The following IL1RAPL1 variants were observed in gnomAD, a reference collection of about 807,000 sequenced individuals.
The protein encoded by IL1RAPL1 is interleukin-1 receptor accessory protein-like 1.
IL1RAPL1 carries 3 observed loss-of-function variants against 48.4 expected under a neutral mutation model. The observed-to-expected ratio is 0.06, with a 90% CI of 0.03 to 0.16. The LOEUF is 0.16. IL1RAPL1 is among the 10% of genes least tolerant of loss of function. The probability of loss-of-function intolerance (pLI) is 1.00; values close to 1 mark genes in which losing one functional copy is unlikely to be tolerated. For synonymous variants in IL1RAPL1, 185 were observed against 187.7 expected, an observed-to-expected ratio of 0.99 and a Z score of 0.12; for missense variants, 349 against 530.6, an observed-to-expected ratio of 0.66 and a Z score of 3.36.
chrX:29,188,226 T>C (rs1361584491), intron 2 of IL1RAPL1, among the ~76,000 whole-genome samples: 1 of 111,901 alleles, frequency 8.9e-6, no homozygotes, highest in Non-Finnish European at 1.9e-5. Context: ...TGTCTCTTCC[T>C]TTGTGACTCT....
chrX:29,148,756 T>C (rs988164498), intron 2 of IL1RAPL1, among the ~76,000 whole-genome samples: 2 of 111,792 alleles, frequency 1.8e-5, no homozygotes, highest in Non-Finnish European at 3.8e-5. Context: ...GGTTGCACAA[T>C]GGATAACTGA....
intron 1 of IL1RAPL1, among the ~76,000 whole-genome samples, chrX:28,729,070 A>T (rs1230965227): frequency 8.9e-6 from 1 of 112,297 alleles, no homozygotes; most frequent in Non-Finnish European, 1.9e-5. Flanking sequence ...TTTGCATGCT[A>T]CTATGACTAT....
At chrX:29,552,802 C>CTTTTTTTTTTTTTTTTTTTTTTTTTT (rs765234944) in intron 5 of IL1RAPL1, among the ~76,000 whole-genome samples, 1 of 22,986 alleles carries the variant, frequency 4.4e-5, no homozygotes, top group African/African-American at 1.8e-4. Flanking sequence ...TTTCACTCTC[C>CTTTTTTTTTTTTTTTTTTTTTTTTTT]TTTTTTTTTT....
At chrX:29,155,445 C>T (rs1929550783) in intron 2 of IL1RAPL1, among the ~76,000 whole-genome samples, 1 of 111,989 alleles carries the variant, frequency 8.9e-6, no homozygotes, top group Non-Finnish European at 1.9e-5. Context: ...TTAAATAAGT[C>T]TATTCTTCTA....
chrX:29,553,535 C>A (rs1041738728), intron 5 of IL1RAPL1, among the ~76,000 whole-genome samples: 1 of 111,676 alleles, frequency 9.0e-6, no homozygotes, highest in African/African-American at 3.3e-5. Flanking sequence ...GAAACACACT[C>A]ATAAACGTTT....
intron 2 of IL1RAPL1, among the ~76,000 whole-genome samples, chrX:28,958,394 T>G (rs1924674339): frequency 8.9e-6 from 1 of 111,735 alleles, no homozygotes; most frequent in Non-Finnish European, 1.9e-5. Flanking sequence ...TGAGGGTCTT[T>G]TCATTTCCTA....
chrX:28,717,426 T>C (rs953181744), intron 1 of IL1RAPL1, among the ~76,000 whole-genome samples: 7 of 111,499 alleles, frequency 6.3e-5, no homozygotes, highest in Admixed American at 1.9e-4. Context: ...ATATTTTCTT[T>C]TAGTTGGGAG....
At chrX:29,925,448 TG>T (rs147953597) in intron 8 of IL1RAPL1, among the ~76,000 whole-genome samples, 3 of 44,655 alleles carry the variant, frequency 6.7e-5, no homozygotes, top group Non-Finnish European at 1.1e-4. Context: ...TTTTTTTTGC[TG>T]GGGGGGGCTT....
intron 1 of IL1RAPL1, among the ~76,000 whole-genome samples, chrX:28,625,164 C>A (rs1934325837): frequency 8.9e-6 from 1 of 111,867 alleles, no homozygotes; most frequent in Non-Finnish European, 1.9e-5. Flanking sequence ...TAAGTGACTT[C>A]TGGTAGATCA....
intron 5 of IL1RAPL1, among the ~76,000 whole-genome samples, chrX:29,482,003 C>T (rs761096227): frequency 5.4e-5 from 6 of 111,087 alleles, no homozygotes; most frequent in Non-Finnish European, 1.1e-4. Flanking sequence ...AAAAAACAAC[C>T]GAGAATTTGT....
chrX:29,918,505 CAA>C (rs1186602092), intron 7 of IL1RAPL1, among the ~76,000 whole-genome samples: 32 of 38,074 alleles, frequency 8.4e-4, no homozygotes, highest in Admixed American at 1.7e-3. Flanking sequence ...AACTCTGTCT[CAA>C]AAAAAAAAAA....
Position 29,915,029 on chromosome X carries a change from C to G in IL1RAPL1, c.779-2435C>G, listed in dbSNP as rs1400273340. ...TAAAAAATCCGGCTGGACGTGGTGGCTCACGCCTGTAATCCTAGCACTTTG... is the reference window on the plus strand; with the variant it reads ...TAAAAAATCCGGCTGGACGTGGTGGGTCACGCCTGTAATCCTAGCACTTTG... On this transcript the variant is annotated intron_variant, in intron 6 of 10. Transcript: ENST00000378993. Among the ~76,000 whole-genome samples, 4 of 108,380 alleles carry G rather than the reference C, an allele frequency of 3.7e-5. No individual in the cohort carries two copies. The East Asian group carries it at 8.4e-4, about 23-fold the overall frequency. The allele number at this position is 108,380 out of a possible 115,157, so 94.1% of individuals were successfully genotyped here.
chrX:29,221,992 A>G (rs980960897), intron 2 of IL1RAPL1, among the ~76,000 whole-genome samples: 5 of 93,380 alleles, frequency 5.4e-5, no homozygotes, highest in African/African-American at 2.0e-4. Flanking sequence ...CCTGGGCGAC[A>G]GAGTGAGAGA....
chrX:29,782,888 A>ATTTTTTTTTTTTTTT (rs780831874), intron 6 of IL1RAPL1, among the ~76,000 whole-genome samples: 1 of 31,069 alleles, frequency 3.2e-5, no homozygotes, highest in Non-Finnish European at 5.4e-5. Flanking sequence ...TGATCGTGAC[A>ATTTTTTTTTTTTTTT]TTTTTTTTTT....
chrX:29,199,711 C>T (rs1414819637), intron 2 of IL1RAPL1, among the ~76,000 whole-genome samples: 1 of 112,058 alleles, frequency 8.9e-6, no homozygotes, highest in Non-Finnish European at 1.9e-5. Context: ...TTGCTAGCCT[C>T]CTGCTGTGCG....
intron 2 of IL1RAPL1, among the ~76,000 whole-genome samples, chrX:29,090,800 G>T (rs1053388950): frequency 8.9e-6 from 1 of 112,211 alleles, no homozygotes; most frequent in African/African-American, 3.2e-5. Flanking sequence ...ATTTGATTCT[G>T]TGACTTTTAC....
At chrX:28,651,940 C>T (rs1569145594) in intron 1 of IL1RAPL1, among the ~76,000 whole-genome samples, 1 of 111,605 alleles carries the variant, frequency 9.0e-6, no homozygotes, top group East Asian at 2.8e-4. Flanking sequence ...TTTTGGTTTA[C>T]TGTAGTCTTT....
intron 2 of IL1RAPL1, among the ~76,000 whole-genome samples, chrX:28,877,481 T>C (rs1004215896): frequency 2.7e-5 from 3 of 112,179 alleles, no homozygotes; most frequent in Non-Finnish European, 5.6e-5. Flanking sequence ...TACATCCATT[T>C]TGAGAATGCC....
intron 6 of IL1RAPL1, among the ~76,000 whole-genome samples, chrX:29,844,423 A>G (rs1336028379): frequency 9.0e-6 from 1 of 111,423 alleles, no homozygotes; most frequent in Non-Finnish European, 1.9e-5. Context: ...GCAATGTGAT[A>G]TGTTGAATAG....
Sources: gnomAD v4.1 joint callset for allele counts (sites outside exome capture counted in the v4.1 genomes callset) on GRCh38, gnomAD v4.1.1 for gene constraint, MANE v1.5 for transcripts, NCBI Gene and HGNC (gene_info 2026-07-23, HGNC 2026-07-21) for gene names.